SAMD5: variants seen among roughly 807,000 people sequenced by gnomAD.
The protein encoded by SAMD5 is sterile alpha motif domain-containing protein 5.
In SAMD5, 13 loss-of-function variants were observed where a neutral mutation model predicts 11.3. The ratio of observed to expected loss-of-function variants is 1.15; its 90% CI spans 0.75 to 1.83. SAMD5 has a LOEUF of 1.83. Among genes scored for constraint, SAMD5 ranks in the 40% most tolerant of loss-of-function variants. SAMD5 has a pLI of 0.00. For missense variants in SAMD5, 255 were observed against 239.1 expected (o/e 1.07, Z -0.44); for synonymous variants, 129 against 111.3 (o/e 1.16, Z -1.00).
At chr6:147,584,285 T>C (rs1789342918) in intron 1 of SAMD5, among the ~76,000 whole-genome samples, 1 of 152,220 alleles carries the variant, frequency 6.6e-6, no homozygotes, top group Admixed American at 6.5e-5. Context: ...ATTCAGATGA[T>C]GTTAACCAAG....
intron 1 of SAMD5, among the ~76,000 whole-genome samples, chr6:147,585,943 A>G (rs1789367441): frequency 6.6e-6 from 1 of 152,200 alleles, no homozygotes; most frequent in Admixed American, 6.5e-5. Flanking sequence ...GTTGTAATTT[A>G]AATCAAAGTT....
At chr6:147,666,817 C>T (rs1401225238) in intron 1 of SAMD5, among the ~76,000 whole-genome samples, 1 of 152,214 alleles carries the variant, frequency 6.6e-6, no homozygotes, top group Admixed American at 6.5e-5. Flanking sequence ...GGGACATTTA[C>T]TGGGATGCTG....
chr6:147,612,751 T>C (rs1360679388), intron 1 of SAMD5, among the ~76,000 whole-genome samples: 2 of 152,220 alleles, frequency 1.3e-5, no homozygotes, highest in African/African-American at 4.8e-5. Flanking sequence ...CCCTGGATCA[T>C]TGTCTTCATT....
the SAMD5 span, among the ~76,000 whole-genome samples, chr6:147,759,275 T>G: frequency 6.6e-6 from 1 of 152,156 alleles, no homozygotes; most frequent in Non-Finnish European, 1.5e-5. Flanking sequence ...ATAAGCTAAA[T>G]TTTCCTCATT....
At chr6:147,796,764 G>C in the SAMD5 span, among the ~76,000 whole-genome samples, 8 of 150,466 alleles carry the variant, frequency 5.3e-5, no homozygotes, top group Admixed American at 2.0e-4. Context: ...TTGTAGTTCT[G>C]CTTGAAGAGG....
At chr6:147,934,809 T>C in the SAMD5 span, among the ~76,000 whole-genome samples, 2 of 152,300 alleles carry the variant, frequency 1.3e-5, no homozygotes, top group East Asian at 3.9e-4. Context: ...ATTTACATGA[T>C]TCTGCTGTTG....
chr6:147,541,273 A>G (rs940720961), intron 1 of SAMD5, among the ~76,000 whole-genome samples: 2 of 152,146 alleles, frequency 1.3e-5, no homozygotes, highest in Admixed American at 6.5e-5. Flanking sequence ...TACCAGAGAC[A>G]ATCACCCTTT....
chr6:147,751,758 C>T, the SAMD5 span, among the ~76,000 whole-genome samples: 3 of 152,114 alleles, frequency 2.0e-5, no homozygotes, highest in Non-Finnish European at 4.4e-5. Flanking sequence ...GCTGGTGAGA[C>T]GCTAACTCTC....
intron 1 of SAMD5, among the ~76,000 whole-genome samples, chr6:147,587,687 G>A (rs1359485768): frequency 6.6e-6 from 1 of 152,084 alleles, no homozygotes; most frequent in African/African-American, 2.4e-5. Flanking sequence ...TGCTTTTCTG[G>A]CTGGTGAATT....
intron 1 of SAMD5, among the ~76,000 whole-genome samples, chr6:147,591,013 G>A (rs1309767545): frequency 1.3e-5 from 2 of 152,132 alleles, no homozygotes; most frequent in Non-Finnish European, 2.9e-5. Context: ...TCTCCTGGGT[G>A]TATTAGTGCT....
chr6:147,721,415 A>C (rs1277546260), intron 1 of SAMD5, among the ~76,000 whole-genome samples: 4 of 152,024 alleles, frequency 2.6e-5, no homozygotes, highest in African/African-American at 7.3e-5. Flanking sequence ...ATGGTATCTC[A>C]TTGTGGTTTT....
the SAMD5 span, among the ~76,000 whole-genome samples, chr6:147,922,314 A>G: frequency 3.9e-5 from 6 of 152,310 alleles, no homozygotes; most frequent in African/African-American, 1.4e-4. Context: ...AGTACTCACT[A>G]GAACTTTGAA....
chr6:147,616,241 C>CATATATATTTATTCATATATATTTT (rs1789869975), intron 1 of SAMD5, among the ~76,000 whole-genome samples: 1 of 136,780 alleles, frequency 7.3e-6, no homozygotes, highest in Non-Finnish European at 1.5e-5. Flanking sequence ...ATATATACTT[C>CATATATATTTATTCATATATATTTT]ATATATATTT....
intron 1 of SAMD5, among the ~76,000 whole-genome samples, chr6:147,586,771 A>T (rs533915210): frequency 6.6e-6 from 1 of 152,024 alleles, no homozygotes; most frequent in South Asian, 2.1e-4. Flanking sequence ...AATAAAGTAA[A>T]AGACAATTAC....
chr6:147,930,528 G>A, the SAMD5 span, among the ~76,000 whole-genome samples: 14 of 152,148 alleles, frequency 9.2e-5, no homozygotes, highest in Non-Finnish European at 2.1e-4. Context: ...CTCAGAGGAT[G>A]AAAAAGTACC....
the SAMD5 span, among the ~76,000 whole-genome samples, chr6:147,932,587 ATTGTGTGTGT>A: frequency 8.4e-6 from 1 of 118,882 alleles, no homozygotes; most frequent in African/African-American, 3.2e-5. Flanking sequence ...GTCTTACAGA[ATTGTGTGTGT>A]GTGTGTGTGT....
At chr6:147,575,878 C>T (rs1789210180) in intron 1 of SAMD5, among the ~76,000 whole-genome samples, 1 of 152,196 alleles carries the variant, frequency 6.6e-6, no homozygotes, top group Non-Finnish European at 1.5e-5. Context: ...ATTATTTAGA[C>T]ATATTTTATA....
chr6:147,933,461 G>A, the SAMD5 span, among the ~76,000 whole-genome samples: 2 of 152,164 alleles, frequency 1.3e-5, no homozygotes, highest in African/African-American at 4.8e-5. Context: ...CAAACGTGTA[G>A]AGCTTGTATT....
chr6:147,584,974 C>T (rs953499734), intron 1 of SAMD5, among the ~76,000 whole-genome samples: 6 of 151,820 alleles, frequency 4.0e-5, no homozygotes, highest in Non-Finnish European at 1.5e-5. Flanking sequence ...TTCAGGATGC[C>T]TAAATGTATG....
Sources: allele counts gnomAD v4.1 joint callset (sites outside exome capture counted in the v4.1 genomes callset), GRCh38; gene constraint gnomAD v4.1.1; transcripts MANE v1.5; gene names NCBI Gene and HGNC (gene_info 2026-07-23, HGNC 2026-07-21).